Variants in FADS6 observed in about 807,000 individuals in gnomAD.
The protein encoded by FADS6 is fatty acid desaturase 6, also known as fatty acid desaturase domain family, member 6.
FADS6 carries 28 observed loss-of-function variants against 31.7 expected under a neutral mutation model. The ratio of observed to expected loss-of-function variants is 0.88; its 90% confidence interval spans 0.66 to 1.21. The LOEUF is 1.21. Among genes scored for constraint, FADS6 ranks in the 50% most tolerant of loss-of-function variants. FADS6 has a pLI of 0.00. For synonymous variants in FADS6, 191 were observed against 213.1 expected, an observed-to-expected ratio of 0.90 and a Z score of 0.90; for missense variants, 494 against 504.2, an observed-to-expected ratio of 0.98 and a Z score of 0.19.
At chr17:74,888,686 G>T (rs1489556967) in intron 2 of FADS6, among the ~76,000 whole-genome samples, 1 of 152,214 alleles carries the variant, frequency 6.6e-6, no homozygotes, top group Non-Finnish European at 1.5e-5. Context: ...TCACATGGAG[G>T]ATTTGAAGCG....
chr17:74,887,612 G>A (rs1385358731), intron 2 of FADS6, among the ~76,000 whole-genome samples: 1 of 152,218 alleles, frequency 6.6e-6, no homozygotes, highest in East Asian at 1.9e-4. Flanking sequence ...ATAGGGAGGT[G>A]CGACTCTGAA....
At chr17:74,885,036 C>T (rs527700163) in intron 2 of FADS6, among the ~76,000 whole-genome samples, 6 of 152,028 alleles carry the variant, frequency 3.9e-5, no homozygotes, top group Non-Finnish European at 5.9e-5. Flanking sequence ...GAGAACTCAC[C>T]GTCACTCTCA....
At chr17:74,892,375 C>G (rs1332860483) in intron 2 of FADS6, 148 bp downstream of exon 2, 2 of 966,778 alleles carry the variant, frequency 2.1e-6, no homozygotes, top group East Asian at 2.6e-5. Context: ...GTAGTGCATA[C>G]TGCACCAGTG....
At chr17:74,881,973 T>C (rs1301150217) in intron 3 of FADS6, among the ~76,000 whole-genome samples, 1 of 151,892 alleles carries the variant, frequency 6.6e-6, no homozygotes, top group African/African-American at 2.4e-5. Flanking sequence ...GGCTCCTCTG[T>C]AGCCCAAGCT....
rs1377399732 is a variant in FADS6, at chr17:74,879,471, T to G, written c.893A>C (p.His298Pro). 2 of 1,613,816 alleles carry G rather than the reference T, an allele frequency of 1.2e-6. No homozygotes were observed. The part of the protein sequence containing the change: ...RLPVLDWAFG[H>P]SIISCHVEHH... ...TTCCACATGGCAGCTGATGATCGAG[T>G]GGCCGAACGCCCAGTCCAGCACGGG... The change falls in exon 5 of 6, where the codon CAC becomes CCC. Residue 298 changes from histidine to proline, a missense_variant. Coordinates refer to ENST00000612771, the MANE Select transcript of FADS6 (RefSeq NM_178128.6).
chr17:74,884,160 G>A (rs1018321462), intron 2 of FADS6, among the ~76,000 whole-genome samples: 17 of 152,072 alleles, frequency 1.1e-4, no homozygotes, highest in Admixed American at 2.6e-4. Flanking sequence ...AGGTGCTCTC[G>A]AGGACTATTC....
downstream of FADS6, among the ~76,000 whole-genome samples, chr17:74,876,542 A>T (rs971579342): frequency 1.3e-5 from 2 of 152,156 alleles, no homozygotes; most frequent in African/African-American, 4.8e-5. Context: ...CACACCTGTA[A>T]TCCTAGCACT....
In FADS6 at chr17:74,879,606, G is replaced by A. The variant is rs372859721; in HGVS notation, c.781-23C>T. ...GTGCTGTGACAGACACGTGGGTCACGCCGGGCAGCCTGGACCTCCCCACCC... is the reference window on the plus strand; with the variant it reads ...GTGCTGTGACAGACACGTGGGTCACACCGGGCAGCCTGGACCTCCCCACCC... On this transcript the variant is annotated intron_variant, in intron 4 of 5. Transcript: ENST00000612771. 719 of 1,599,570 alleles carry A rather than the reference G, an allele frequency of 4.5e-4. 1 individual carries two copies. In the African/African-American group the frequency reaches 7.9e-3, roughly 18 times the overall value.
Position 74,877,540 on chromosome 17 carries a change from G to T in FADS6, c.*791C>A. 1 of 231,052 alleles carries T rather than the reference G, an allele frequency of 4.3e-6. No homozygotes were observed. The highest frequency in any genetic ancestry group is 7.1e-6 in the Non-Finnish European group (1 of 140,566). 14.3% of individuals were successfully genotyped at this position (231,052 alleles called of 1,614,324 possible). ...AGTAGAGACGGGGTTTCACCATGTTGGCCAGGGTGGTCTCGAGCTCCTGAT... is the reference window on the plus strand; with the variant it reads ...AGTAGAGACGGGGTTTCACCATGTTTGCCAGGGTGGTCTCGAGCTCCTGAT... On this transcript the variant is annotated 3_prime_UTR_variant, in exon 6 of 6. Transcript: ENST00000612771.
intron 2 of FADS6, among the ~76,000 whole-genome samples, chr17:74,884,373 CA>C (rs1335048105): frequency 6.6e-6 from 1 of 152,144 alleles, no homozygotes; most frequent in South Asian, 2.1e-4. Context: ...TTCAGATAAA[CA>C]AAAAATACGT....
chr17:74,878,641 C>T (rs1264783521), intron 5 of FADS6, among the ~76,000 whole-genome samples, 164 bp from the exon 6 acceptor site: 3 of 152,206 alleles, frequency 2.0e-5, no homozygotes, highest in African/African-American at 7.2e-5. Flanking sequence ...GAATTCTTGT[C>T]CCTAACCCTG....
intron 5 of FADS6, chr17:74,879,104 T>G: frequency 3.4e-6 from 1 of 294,190 alleles, no homozygotes; most frequent in Non-Finnish European, 6.3e-6. Flanking sequence ...AGTGGCACGA[T>G]TATGGTTCAT....
At position 74,877,662 on chromosome 17, in the gene FADS6, C is replaced by T; in HGVS notation, c.*669G>A. 1.0e-6 allele frequency: 1 copy of T among 979,712 alleles called. No individual in the cohort carries two copies. Among genetic ancestry groups the T allele is most frequent in the Non-Finnish European group, 1.2e-6 (1 of 824,758 alleles). 60.7% of individuals were successfully genotyped at this position (979,712 alleles called of 1,614,324 possible). On this transcript the variant is annotated 3_prime_UTR_variant, in exon 6 of 6. Coordinates refer to ENST00000612771, the MANE Select transcript of FADS6 (RefSeq NM_178128.6). ...ATTTATACTCTTTCCCTAACTCTGTCCCTGGGGAACCTTCTCCCCTCACTT... is the reference window on the plus strand; with the variant it reads ...ATTTATACTCTTTCCCTAACTCTGTTCCTGGGGAACCTTCTCCCCTCACTT...
chr17:74,888,735 T>C (rs970683329), intron 2 of FADS6, among the ~76,000 whole-genome samples: 6 of 152,212 alleles, frequency 3.9e-5, no homozygotes, highest in African/African-American at 1.4e-4. Flanking sequence ...GCCTGTTCCC[T>C]CCCACTCAGG....
chr17:74,879,348 T>C lies in FADS6; in HGVS notation c.960+56A>G, dbSNP rs2038541679. 7 of 1,578,830 alleles carry C rather than the reference T, an allele frequency of 4.4e-6. No homozygotes were observed. In the South Asian group the frequency reaches 8.1e-5, roughly 18 times the overall value. ...ACGCCCCCAGGCCGAAGAATCTTCC[T>C]TTCCATCCTCTAACAGTCCCTTTAT... On this transcript the variant is annotated intron_variant, in intron 5 of 5. Transcript: ENST00000612771.
intron 2 of FADS6, among the ~76,000 whole-genome samples, chr17:74,889,919 C>T (rs2144724593): frequency 6.9e-6 from 1 of 145,290 alleles, no homozygotes; most frequent in South Asian, 2.3e-4. Context: ...ACTGCTAACC[C>T]TTTCCTTGCA....
rs1434606461 is a variant in FADS6, at chr17:74,889,603, C to A, written c.411+2920G>T. ...AAAAAAGGCCGGGTACAGTGGCTCA[C>A]GCCTGTAATCCCAGCACTTTGGGAG... On this transcript the variant is annotated intron_variant, in intron 2 of 5. Transcript: ENST00000612771. 2.0e-5 allele frequency among the ~76,000 whole-genome samples: 3 copies of A among 151,276 alleles called. No individual in the cohort carries two copies. The East Asian group carries it at 5.8e-4, about 29-fold the overall frequency.
Position 74,878,331 on chromosome 17 carries a change from T to C in FADS6, c.1107A>G (p.Ter369=). 1 of 1,613,014 alleles carries C rather than the reference T, an allele frequency of 6.2e-7. No individual in the cohort carries two copies. Residue 369 remains the stop codon, a stop_retained_variant, in exon 6 of 6, where the codon TAA becomes TAG. Coordinates refer to ENST00000612771, the MANE Select transcript of FADS6 (RefSeq NM_178128.6). ...GGGTGGCTGCACCGGCCCGGCCTCA[T>C]TACAGCCCCACAAGCTCAGTGATGG... ...APPITELVGL[*] is the part of the protein sequence containing the mutation.
Position 74,892,622 on chromosome 17 carries a change from GCA to G in FADS6, c.310_311del (p.Cys104ProfsTer181), listed in dbSNP as rs745638987. On this transcript the variant is annotated frameshift_variant, in exon 2 of 6. Transcript: ENST00000612771. LOFTEE classifies it high-confidence loss of function. ...TGCCCTTGACAGTGAGTGTGTAGTG[GCA>G]CACACCCAAGATGGTGATGCCGGAT... Reference protein sequence around the residue: ...FASGITILGVCHYTLTVKGSH... With the variant: ...FASGITILGVXHYTLTVKGSH... 355 of 1,613,232 alleles carry G rather than the reference GCA, an allele frequency of 2.2e-4. 1 individual carries two copies. The East Asian group carries it at 6.9e-3, about 31-fold the overall frequency.
Sources: gnomAD v4.1 joint callset for allele counts (sites outside exome capture counted in the v4.1 genomes callset) on GRCh38, gnomAD v4.1.1 for gene constraint, MANE v1.5 for transcripts, NCBI Gene and HGNC (gene_info 2026-07-23, HGNC 2026-07-21) for gene names.